The following MRAP2 variants were observed in gnomAD, a reference collection of about 807,000 sequenced individuals.
MRAP2 encodes the protein melanocortin 2 receptor accessory protein 2, also known as melanocortin-2 receptor accessory protein 2.
MRAP2 carries 20 observed loss-of-function variants against 17.4 expected under a neutral mutation model. The observed-to-expected ratio is 1.15, with a 90% CI of 0.81 to 1.67. The LOEUF is 1.67. MRAP2 is among the 40% of genes most tolerant of loss of function. The probability of loss-of-function intolerance (pLI) is 0.00; values close to 1 mark genes in which losing one functional copy is unlikely to be tolerated. For missense variants in MRAP2, 238 were observed against 240.0 expected (o/e 0.99, Z 0.05); for synonymous variants, 96 against 88.4 (o/e 1.09, Z -0.48).
chr6:84,135,983 G>T, the MRAP2 span, among the ~76,000 whole-genome samples: 1 of 152,226 alleles, frequency 6.6e-6, no homozygotes, highest in East Asian at 1.9e-4. Flanking sequence ...TAGAGGAATT[G>T]TGAGTACTTA....
intron 1 of MRAP2, among the ~76,000 whole-genome samples, chr6:84,034,526 C>CCGTGCCCCGTGCCCCGTGCCA (rs2099485470): frequency 6.8e-6 from 1 of 147,688 alleles, no homozygotes; most frequent in African/African-American, 2.5e-5. Context: ...GCCCCGTGCC[C>CCGTGCCCCGTGCCCCGTGCCA]CGTGCCTTTC....
At chr6:84,064,625 C>T (rs1316050223) in intron 3 of MRAP2, among the ~76,000 whole-genome samples, 4 of 152,106 alleles carry the variant, frequency 2.6e-5, no homozygotes, top group Non-Finnish European at 4.4e-5. Context: ...GTAGCTGGGA[C>T]TACAGGCACC....
the MRAP2 span, among the ~76,000 whole-genome samples, chr6:84,143,871 G>A: frequency 6.6e-6 from 1 of 151,908 alleles, no homozygotes; most frequent in African/African-American, 2.4e-5. Flanking sequence ...CAAAGATTTT[G>A]TGTTTTAGTA....
intron 1 of MRAP2, among the ~76,000 whole-genome samples, chr6:84,047,420 G>C (rs954715868): frequency 6.6e-6 from 1 of 151,150 alleles, no homozygotes; most frequent in Admixed American, 6.6e-5. Context: ...CGAACTCCTG[G>C]ACTCAAAGCA....
the MRAP2 span, among the ~76,000 whole-genome samples, chr6:84,118,221 A>AG: frequency 6.6e-6 from 1 of 152,064 alleles, no homozygotes; most frequent in Non-Finnish European, 1.5e-5. Flanking sequence ...CAGTCCAGTG[A>AG]GAAAAAATGG....
At chr6:84,051,151 T>C (rs150029138) in intron 1 of MRAP2, among the ~76,000 whole-genome samples, 73 of 152,348 alleles carry the variant, frequency 4.8e-4, no homozygotes, top group Admixed American at 8.5e-4. Flanking sequence ...ACCATCGTAA[T>C]CCACCAGGGA....
chr6:84,067,730 GTTT>G (rs57643473), intron 3 of MRAP2, among the ~76,000 whole-genome samples: 4 of 125,634 alleles, frequency 3.2e-5, no homozygotes, highest in African/African-American at 9.0e-5. Context: ...GGATGGAATT[GTTT>G]TTTTTTTTTT....
chr6:84,068,353 TG>T (rs1371249645), intron 3 of MRAP2, among the ~76,000 whole-genome samples: 1 of 147,162 alleles, frequency 6.8e-6, no homozygotes, highest in Non-Finnish European at 1.5e-5. Flanking sequence ...TGCTTAGTGT[TG>T]CTTTGGTTAT....
At chr6:84,131,629 A>G in the MRAP2 span, among the ~76,000 whole-genome samples, 2 of 151,656 alleles carry the variant, frequency 1.3e-5, no homozygotes, top group Non-Finnish European at 2.9e-5. Context: ...GTTGGTTTAA[A>G]GTCTTTTTTA....
chr6:84,050,095 A>G lies in MRAP2; in HGVS notation c.-7-5217A>G, dbSNP rs1366125120. 1.3e-5 allele frequency among the ~76,000 whole-genome samples: 2 copies of G among 152,170 alleles called. 1 individual carries two copies. Among genetic ancestry groups the G allele is most frequent in the South Asian group, 4.1e-4 (2 of 4,830 alleles). Reference sequence around the variant, plus strand: ...AGTCAAAATAGTCGTGAGGAGGAGAAGACTACAAAGTCCTGGAAGCATGAC... The same window carrying G: ...AGTCAAAATAGTCGTGAGGAGGAGAGGACTACAAAGTCCTGGAAGCATGAC... On this transcript the variant is annotated intron_variant, in intron 1 of 3. Coordinates refer to ENST00000257776, the MANE Select transcript of MRAP2 (RefSeq NM_138409.4).
chr6:84,092,324 C>G (rs536703439), downstream of MRAP2, among the ~76,000 whole-genome samples: 2 of 152,186 alleles, frequency 1.3e-5, no homozygotes, highest in Non-Finnish European at 2.9e-5. Context: ...GCCTGCTAGT[C>G]TTCCCTTTGG....
chr6:84,075,397 C>T (rs1004343840), intron 3 of MRAP2, among the ~76,000 whole-genome samples: 1 of 152,104 alleles, frequency 6.6e-6, no homozygotes, highest in Non-Finnish European at 1.5e-5. Context: ...GCTTTTAGGC[C>T]TAAGAGGCAG....
At chr6:84,043,282 G>A (rs937084942) in intron 1 of MRAP2, among the ~76,000 whole-genome samples, 2 of 152,200 alleles carry the variant, frequency 1.3e-5, no homozygotes, top group Non-Finnish European at 2.9e-5. Context: ...CTCAGTGAGA[G>A]GCCAAGTCTA....
At chr6:84,140,457 T>G in the MRAP2 span, among the ~76,000 whole-genome samples, 1 of 152,130 alleles carries the variant, frequency 6.6e-6, no homozygotes, top group African/African-American at 2.4e-5. Context: ...TCGAGGGAGA[T>G]TTGATCTTTT....
chr6:84,064,741 C>T (rs1458450128), intron 3 of MRAP2, among the ~76,000 whole-genome samples: 2 of 152,148 alleles, frequency 1.3e-5, no homozygotes, highest in Admixed American at 6.5e-5. Context: ...CCCGCCTTGG[C>T]CTCCCAAAGT....
intron 1 of MRAP2, among the ~76,000 whole-genome samples, chr6:84,054,121 G>A (rs571341605): frequency 1.3e-5 from 2 of 152,224 alleles, no homozygotes; most frequent in Admixed American, 6.5e-5. Context: ...ACTGGTGACT[G>A]CTCAGTGAAT....
At chr6:84,123,929 C>T in the MRAP2 span, among the ~76,000 whole-genome samples, 3 of 152,088 alleles carry the variant, frequency 2.0e-5, no homozygotes, top group Non-Finnish European at 4.4e-5. Flanking sequence ...CATTTGTCAA[C>T]AGAAATACAA....
At chr6:84,127,963 C>T in the MRAP2 span, among the ~76,000 whole-genome samples, 1 of 152,154 alleles carries the variant, frequency 6.6e-6, no homozygotes, top group Non-Finnish European at 1.5e-5. Flanking sequence ...ATGTGCTAGG[C>T]ATTAGGCTGA....
At chr6:84,044,843 C>A (rs950984541) in intron 1 of MRAP2, among the ~76,000 whole-genome samples, 8 of 152,132 alleles carry the variant, frequency 5.3e-5, no homozygotes, top group Non-Finnish European at 1.2e-4. Context: ...GTAGTACAGT[C>A]GGGGCTCCAC....
Sources: gnomAD v4.1 joint callset for allele counts (sites outside exome capture counted in the v4.1 genomes callset) on GRCh38, gnomAD v4.1.1 for gene constraint, MANE v1.5 for transcripts, NCBI Gene and HGNC (gene_info 2026-07-23, HGNC 2026-07-21) for gene names.